CSRNP3: variants seen among roughly 807,000 people sequenced by gnomAD.
The protein encoded by CSRNP3 is cysteine and serine rich nuclear protein 3.
A neutral mutation model predicts 48.0 loss-of-function variants in CSRNP3; 12 were observed. The ratio of observed to expected loss-of-function variants is 0.25; its 90% CI spans 0.16 to 0.41. CSRNP3 has a LOEUF of 0.41. Ranked by LOEUF, CSRNP3 falls within the 10% of genes least tolerant of loss-of-function variation. The pLI is 1.00. For synonymous variants in CSRNP3, 263 were observed against 269.7 expected, an observed-to-expected ratio of 0.98 and a Z score of 0.24; for missense variants, 580 against 724.4, an observed-to-expected ratio of 0.80 and a Z score of 2.29.
rs911313477 is a variant in CSRNP3 at position 165,686,996 on chromosome 2, A to T, written c.*7243A>T. 6.6e-6 allele frequency: 1 copy of T among 152,080 alleles called. No homozygotes were observed. The highest frequency in any genetic ancestry group is 1.5e-5 in the Non-Finnish European group (1 of 67,990). The allele number at this position is 152,080 out of a possible 1,614,324, so 9.4% of individuals were successfully genotyped here. ...TGCCCAACAGGAGAGATCGCCATCTATTCTTAACATCTCTAGGGAAGGCAG... is the reference window on the plus strand; with the variant it reads ...TGCCCAACAGGAGAGATCGCCATCTTTTCTTAACATCTCTAGGGAAGGCAG... On this transcript the variant is annotated 3_prime_UTR_variant, in exon 7 of 7. Transcript: ENST00000651982.
chr2:165,571,526 T>A (rs1676186270), intron 3 of CSRNP3, among the ~76,000 whole-genome samples: 1 of 151,932 alleles, frequency 6.6e-6, no homozygotes, highest in African/African-American at 2.4e-5. Context: ...AATGTAATAT[T>A]TGTGTGGTGG....
chr2:165,669,404 G>T (rs1687291959), intron 5 of CSRNP3, among the ~76,000 whole-genome samples: 1 of 151,976 alleles, frequency 6.6e-6, no homozygotes, highest in Non-Finnish European at 1.5e-5. Context: ...GGCCCTTGAT[G>T]GCACCAAAAA....
Position 165,493,749 on chromosome 2 carries a change from A to G in CSRNP3, c.-282-1010A>G, listed in dbSNP as rs528669492. Among the ~76,000 whole-genome samples the G allele has an allele frequency of 5.3e-5, 8 of 152,192 alleles. No homozygotes were observed. In the East Asian group the frequency reaches 1.4e-3, roughly 26 times the overall value. On this transcript the variant is annotated intron_variant, in intron 1 of 6. Coordinates refer to ENST00000651982, the MANE Select transcript of CSRNP3 (RefSeq NM_001172173.2). The stretch of plus-strand genomic sequence containing the variant: ...CTTACTACCTACTGTCTCCTTGAAT[A>G]AGAGGTCATTTACTATTGTACTTAT...
chr2:165,614,528 GC>G (rs1170286904), intron 4 of CSRNP3, among the ~76,000 whole-genome samples: 2 of 152,122 alleles, frequency 1.3e-5, no homozygotes, highest in African/African-American at 4.8e-5. Context: ...AAGGCTTTCA[GC>G]TTTTCCCTAT....
intron 4 of CSRNP3, among the ~76,000 whole-genome samples, chr2:165,633,467 GA>G (rs1420853772): frequency 6.6e-6 from 1 of 152,114 alleles, no homozygotes; most frequent in Non-Finnish European, 1.5e-5. Flanking sequence ...ATTACAAAAC[GA>G]AAGCAATTTC....
In CSRNP3 at chr2:165,642,938, G is replaced by A. The variant is rs145438881; in HGVS notation, c.149-14823G>A. On this transcript the variant is annotated intron_variant, in intron 4 of 6. Coordinates refer to ENST00000651982, the MANE Select transcript of CSRNP3 (RefSeq NM_001172173.2). Reference sequence around the variant, plus strand: ...TCATTTAGAAACTCCGATAAAGATTGTTGGAGCTACATGCAGGAAAAAGAG... The same window carrying A: ...TCATTTAGAAACTCCGATAAAGATTATTGGAGCTACATGCAGGAAAAAGAG... Among the ~76,000 whole-genome samples, 1,082 of 152,262 alleles carry A rather than the reference G, an allele frequency of 7.1e-3. 17 individuals carry two copies. Among genetic ancestry groups the A allele is most frequent in the African/African-American group, 0.025 (1,028 of 41,542 alleles).
intron 4 of CSRNP3, among the ~76,000 whole-genome samples, chr2:165,621,177 A>G (rs536047495): frequency 2.0e-5 from 3 of 152,050 alleles, no homozygotes; most frequent in Admixed American, 1.3e-4. Context: ...GTCGTGGGTC[A>G]TTGTAGTCCC....
intron 5 of CSRNP3, among the ~76,000 whole-genome samples, chr2:165,675,335 A>G (rs1345091535): frequency 2.0e-5 from 3 of 152,300 alleles, no homozygotes; most frequent in East Asian, 1.9e-4. Context: ...TCCCTTCTGT[A>G]TTTAGAACTT....
At chr2:165,506,976 A>T (rs1052168490) in intron 2 of CSRNP3, among the ~76,000 whole-genome samples, 5 of 152,196 alleles carry the variant, frequency 3.3e-5, no homozygotes, top group Non-Finnish European at 7.3e-5. Context: ...TGGACCCCAT[A>T]TTAGTAATTC....
intron 3 of CSRNP3, among the ~76,000 whole-genome samples, chr2:165,579,517 C>A (rs955782299): frequency 1.3e-5 from 2 of 152,152 alleles, no homozygotes; most frequent in Admixed American, 6.5e-5. Context: ...TTCATCTCTG[C>A]TCCATCCAGA....
At chr2:165,590,590 G>A (rs776185917) in intron 3 of CSRNP3, among the ~76,000 whole-genome samples, 22 of 152,288 alleles carry the variant, frequency 1.4e-4, no homozygotes, top group Middle Eastern at 3.4e-3. Context: ...CATGTCATGG[G>A]ATGGACCCGG....
chr2:165,676,385 T>G lies in CSRNP3; in HGVS notation c.482T>G (p.Ile161Ser). 1 of 1,614,104 alleles carries G rather than the reference T, an allele frequency of 6.2e-7. No individual in the cohort carries two copies. Among genetic ancestry groups the G allele is most frequent in the Non-Finnish European group, 8.5e-7 (1 of 1,179,946 alleles). Residue 161 changes from isoleucine (I) to serine (S), a missense_variant, in exon 6 of 7, where the codon ATT becomes AGT. Around this residue, in one of 4 missense-constraint regions of CSRNP3, gnomAD observed 62 missense variants for 66.4 expected, o/e 0.93. Transcript: ENST00000651982. ...LTLDDISDDDIDLDNTEVDEY... is the reference protein window; with the variant it reads ...LTLDDISDDDSDLDNTEVDEY... ...CTGGATGACATTTCTGATGATGACA[T>G]TGACCTGGACAACACAGAGGTAGAT...
chr2:165,501,303 A>C (rs1684356912), intron 2 of CSRNP3, among the ~76,000 whole-genome samples: 1 of 152,188 alleles, frequency 6.6e-6, no homozygotes, highest in Non-Finnish European at 1.5e-5. Flanking sequence ...TTAATAAGAA[A>C]AGTTATGTGT....
chr2:165,517,392 TA>T (rs150749859), intron 2 of CSRNP3, among the ~76,000 whole-genome samples: 26,719 of 151,728 alleles, frequency 0.18, 2,515 homozygotes, highest in Non-Finnish European at 0.2. Flanking sequence ...ATTTTATAAT[TA>T]AATAGTTTCC....
At chr2:165,503,659 C>G (rs1470112072) in intron 2 of CSRNP3, among the ~76,000 whole-genome samples, 1 of 151,890 alleles carries the variant, frequency 6.6e-6, no homozygotes, top group Non-Finnish European at 1.5e-5. Flanking sequence ...TTAATTTAGG[C>G]AACACATTAG....
intron 3 of CSRNP3, among the ~76,000 whole-genome samples, chr2:165,577,851 G>A (rs1685477836): frequency 6.6e-6 from 1 of 151,930 alleles, no homozygotes; most frequent in Non-Finnish European, 1.5e-5. Flanking sequence ...CAGAGAAAGA[G>A]AGAAACCTTT....
At chr2:165,535,225 A>AT (rs1228537824) in intron 3 of CSRNP3, among the ~76,000 whole-genome samples, 4 of 151,920 alleles carry the variant, frequency 2.6e-5, no homozygotes, top group Non-Finnish European at 5.9e-5. Context: ...TTAGATACAT[A>AT]TTTTTTGTAA....
intron 4 of CSRNP3, among the ~76,000 whole-genome samples, chr2:165,629,931 C>G (rs1009410972): frequency 6.6e-6 from 1 of 152,170 alleles, no homozygotes; most frequent in South Asian, 2.1e-4. Flanking sequence ...TTCCTTCTCT[C>G]AGGTCTAGAG....
At chr2:165,514,939 T>C (rs1684556654) in intron 2 of CSRNP3, among the ~76,000 whole-genome samples, 1 of 152,222 alleles carries the variant, frequency 6.6e-6, no homozygotes, top group Non-Finnish European at 1.5e-5. Flanking sequence ...TTTATTTTTA[T>C]ATCCTTGACT....
Sources: gnomAD v4.1 joint callset for allele counts (sites outside exome capture counted in the v4.1 genomes callset) on GRCh38, gnomAD v4.1.1 for gene constraint, gnomAD v4.1.1 regional missense constraint, MANE v1.5 for transcripts, NCBI Gene and HGNC (gene_info 2026-07-23, HGNC 2026-07-21) for gene names.